Variants in CLIC2 observed in about 807,000 individuals in gnomAD.
CLIC2 encodes the protein CLIC family member 2, also known as chloride intracellular channel protein 2.
Under a neutral mutation model 14.8 loss-of-function variants are expected in CLIC2, and 9 were observed. The ratio of observed to expected loss-of-function variants is 0.61; its 90% confidence interval spans 0.37 to 1.06. The LOEUF (loss-of-function observed/expected upper bound fraction) is 1.06. CLIC2 is among the 50% of genes least tolerant of loss of function. The pLI, the probability that CLIC2 is intolerant of heterozygous loss-of-function variation, is 0.01. For missense variants in CLIC2, 148 were observed against 181.4 expected, an observed-to-expected ratio of 0.82 and a Z score of 1.06; for synonymous variants, 61 against 66.3, an observed-to-expected ratio of 0.92 and a Z score of 0.39.
chrX:155,283,318 T>C (rs1341436108), intron 3 of CLIC2, among the ~76,000 whole-genome samples: 1 of 112,467 alleles, frequency 8.9e-6, no homozygotes, highest in African/African-American at 3.2e-5. Flanking sequence ...CAATGTCAGC[T>C]GTGGGTTTTT....
chrX:155,285,579 G>A (rs2074939014), intron 3 of CLIC2, among the ~76,000 whole-genome samples: 1 of 111,550 alleles, frequency 9.0e-6, no homozygotes, highest in African/African-American at 3.3e-5. Flanking sequence ...ACAATGAGCT[G>A]TAAATGGAAA....
At position 155,308,299 on chromosome X, in the gene CLIC2, G is replaced by A. The variant is rs186553166; in HGVS notation, c.58-9154C>T. ...AATGCATCAAAGTCTTTTAATAGTA[G>A]AATTGATCAAGCAGAAGAAAGAATT... On this transcript the variant is annotated intron_variant, in intron 1 of 5. Coordinates refer to ENST00000369449, the MANE Select transcript of CLIC2 (RefSeq NM_001289.6). 3.4e-3 allele frequency among the ~76,000 whole-genome samples: 376 copies of A among 109,207 alleles called. 2 individuals carry two copies. Among genetic ancestry groups the A allele is most frequent in the South Asian group, 5.2e-3 (13 of 2,508 alleles). 94.8% of individuals were successfully genotyped at this position (109,207 alleles called of 115,157 possible). A position where few individuals can be genotyped will look rare whatever the true frequency, so the allele number is the denominator to read the frequency against.
rs782377708 is a variant in CLIC2 at position 155,311,099 on chromosome X, A to G, written c.58-11954T>C. On this transcript the variant is annotated intron_variant, in intron 1 of 5. Coordinates refer to ENST00000369449, the MANE Select transcript of CLIC2 (RefSeq NM_001289.6). ...GACATGCCCTGGAGACATTTTCCCC[A>G]TTGTCTTGGTGATTAACATTCTGCT... Among the ~76,000 whole-genome samples, 12 of 111,406 alleles carry G rather than the reference A, an allele frequency of 1.1e-4. No homozygotes were observed. The South Asian group carries it at 4.5e-3, about 42-fold the overall frequency.
intron 3 of CLIC2, among the ~76,000 whole-genome samples, chrX:155,286,003 C>T (rs1477958986): frequency 4.5e-5 from 5 of 110,020 alleles, no homozygotes; most frequent in East Asian, 2.8e-4. Context: ...ATTTTAGTTT[C>T]GGATACATGT....
intron 3 of CLIC2, among the ~76,000 whole-genome samples, chrX:155,289,392 A>G (rs1340226874): frequency 8.9e-6 from 1 of 111,778 alleles, no homozygotes; most frequent in African/African-American, 3.2e-5. Context: ...TGAAAATGCA[A>G]AGCATTAGAA....
At chrX:155,284,248 C>T (rs1479969000) in intron 3 of CLIC2, among the ~76,000 whole-genome samples, 1 of 87,509 alleles carries the variant, frequency 1.1e-5, no homozygotes, top group African/African-American at 3.9e-5. Flanking sequence ...CCTCTTTCTC[C>T]CTGGGATTTT....
chrX:155,321,265 G>A (rs781966742), intron 1 of CLIC2, among the ~76,000 whole-genome samples: 2 of 111,318 alleles, frequency 1.8e-5, no homozygotes, highest in African/African-American at 6.5e-5. Context: ...ATAATCATCA[G>A]ATTCACCAAG....
chrX:155,310,169 A>T (rs991072258), intron 1 of CLIC2: 5 of 115,306 alleles, frequency 4.3e-5, no homozygotes, highest in African/African-American at 1.6e-4. Flanking sequence ...AAAACTCCAA[A>T]ATGATCTCCT....
intron 3 of CLIC2, among the ~76,000 whole-genome samples, chrX:155,295,401 A>G (rs1339602212): frequency 1.8e-5 from 2 of 109,513 alleles, no homozygotes; most frequent in African/African-American, 6.6e-5. Flanking sequence ...ATAAACCCAC[A>G]GCTGATATCA....
intron 1 of CLIC2, among the ~76,000 whole-genome samples, chrX:155,304,882 T>C (rs1276285799): frequency 1.3e-3 from 125 of 97,042 alleles, no homozygotes; most frequent in Non-Finnish European, 2.4e-3. Flanking sequence ...GCCTCCCAGT[T>C]AGGCTGCTCG....
At chrX:155,304,201 G>A (rs1478871881) in intron 1 of CLIC2, among the ~76,000 whole-genome samples, 2 of 106,983 alleles carry the variant, frequency 1.9e-5, no homozygotes, top group Admixed American at 1.0e-4. Flanking sequence ...CATTCTCCCC[G>A]TCACTTTCAG....
chrX:155,287,115 CTT>C (rs1315652922), intron 3 of CLIC2, among the ~76,000 whole-genome samples: 1 of 111,754 alleles, frequency 8.9e-6, no homozygotes, highest in East Asian at 2.8e-4. Flanking sequence ...ACACTTAAGT[CTT>C]TAATCCATCT....
intron 1 of CLIC2, among the ~76,000 whole-genome samples, chrX:155,312,833 C>T (rs1569561358): frequency 9.0e-6 from 1 of 110,850 alleles, no homozygotes; most frequent in Non-Finnish European, 1.9e-5. Flanking sequence ...CTGATGAAGG[C>T]CTAATATCCA....
intron 1 of CLIC2, among the ~76,000 whole-genome samples, chrX:155,308,949 C>A (rs189546342): frequency 9.0e-6 from 1 of 111,432 alleles, no homozygotes; most frequent in African/African-American, 3.3e-5. Flanking sequence ...AGGTTAATGA[C>A]AAATAAGTAA....
intron 1 of CLIC2, among the ~76,000 whole-genome samples, chrX:155,322,140 T>TAGAC (rs2075117840): frequency 1.6e-4 from 17 of 108,468 alleles, no homozygotes; most frequent in Non-Finnish European, 3.1e-4. Context: ...CTGTCAACAT[T>TAGAC]AGATCAACGA....
chrX:155,305,175 C>T (rs1353316356), intron 1 of CLIC2, among the ~76,000 whole-genome samples: 8 of 112,177 alleles, frequency 7.1e-5, no homozygotes, highest in African/African-American at 2.6e-4. Context: ...GCCCCTCCCC[C>T]AGCCTCGCTG....
At chrX:155,325,634 A>G (rs1050834227) in intron 1 of CLIC2, among the ~76,000 whole-genome samples, 1 of 106,425 alleles carries the variant, frequency 9.4e-6, no homozygotes, top group Non-Finnish European at 1.9e-5. Flanking sequence ...ATGCATGTGG[A>G]GCCCAAAACC....
chrX:155,300,335 G>T (rs2075011914), intron 1 of CLIC2, among the ~76,000 whole-genome samples: 1 of 110,166 alleles, frequency 9.1e-6, no homozygotes, highest in South Asian at 3.9e-4. Context: ...CAGTGATGAT[G>T]AGCATTTTTT....
intron 1 of CLIC2, among the ~76,000 whole-genome samples, chrX:155,319,919 C>T (rs782206058): frequency 8.9e-6 from 1 of 112,228 alleles, no homozygotes; most frequent in Non-Finnish European, 1.9e-5. Flanking sequence ...CTCTTTTCCC[C>T]TCACAGTGTA....
Sources: allele counts gnomAD v4.1 joint callset (sites outside exome capture counted in the v4.1 genomes callset), GRCh38; gene constraint gnomAD v4.1.1; transcripts MANE v1.5; gene names NCBI Gene and HGNC (gene_info 2026-07-23, HGNC 2026-07-21).